Variants in CNTN5 observed in about 807,000 individuals in gnomAD.
The protein encoded by CNTN5 is contactin-5.
CNTN5 carries 77 observed loss-of-function variants against 129.1 expected under a neutral mutation model. That is an observed-to-expected ratio of 0.60 (90% CI 0.50 to 0.72). The LOEUF is 0.72. Ranked by LOEUF, CNTN5 falls within the 30% of genes least tolerant of loss-of-function variation. The pLI is 0.00. For synonymous variants in CNTN5, 509 were observed against 465.6 expected (o/e 1.09, Z -1.20); for missense variants, 1,478 against 1,328.8 (o/e 1.11, Z -1.75).
chr11:99,961,150 A>C (rs533511663), intron 8 of CNTN5, among the ~76,000 whole-genome samples: 1 of 147,256 alleles, frequency 6.8e-6, no homozygotes, highest in African/African-American at 2.5e-5. Context: ...TGCTGCAGTG[A>C]GCCAAGATCA....
At chr11:99,807,767 C>A (rs1946317273) in intron 3 of CNTN5, among the ~76,000 whole-genome samples, 1 of 152,106 alleles carries the variant, frequency 6.6e-6, no homozygotes. Context: ...CTGCCTGTGT[C>A]TCTGTTGGCA....
At chr11:100,245,147 A>G (rs1158886708) in intron 16 of CNTN5, among the ~76,000 whole-genome samples, 1 of 152,026 alleles carries the variant, frequency 6.6e-6, no homozygotes, top group Non-Finnish European at 1.5e-5. Context: ...TTTTTATGCA[A>G]GGGCCCACAG....
At chr11:99,479,215 A>G (rs7946579) in intron 2 of CNTN5, among the ~76,000 whole-genome samples, 40,567 of 151,586 alleles carry the variant, frequency 0.27, 5,739 homozygotes, top group Admixed American at 0.36. Context: ...AATATTGATA[A>G]CACTGGAAAC....
intron 8 of CNTN5, among the ~76,000 whole-genome samples, chr11:99,969,326 G>C (rs902636979): frequency 6.6e-6 from 1 of 152,126 alleles, no homozygotes; most frequent in Non-Finnish European, 1.5e-5. Flanking sequence ...ATTTCTGAAA[G>C]ACATAAACTT....
At chr11:100,140,893 A>AAAT (rs1399913388) in intron 13 of CNTN5, among the ~76,000 whole-genome samples, 1 of 152,106 alleles carries the variant, frequency 6.6e-6, no homozygotes, top group Admixed American at 6.6e-5. Flanking sequence ...AGTGAACAGG[A>AAAT]AATGAGATGT....
intron 3 of CNTN5, among the ~76,000 whole-genome samples, chr11:99,766,764 T>A (rs1352587958): frequency 6.6e-6 from 1 of 152,088 alleles, no homozygotes; most frequent in African/African-American, 2.4e-5. Context: ...TATGCCTATT[T>A]TAACAAGCAT....
chr11:99,325,734 T>C (rs1034054166), intron 2 of CNTN5, among the ~76,000 whole-genome samples: 8 of 152,208 alleles, frequency 5.3e-5, no homozygotes, highest in African/African-American at 1.9e-4. Context: ...TATTTGTTCT[T>C]ACTAATTTTT....
chr11:99,927,951 A>T (rs971616779), intron 7 of CNTN5, among the ~76,000 whole-genome samples: 1 of 152,172 alleles, frequency 6.6e-6, no homozygotes, highest in Non-Finnish European at 1.5e-5. Context: ...CATCAAAAGC[A>T]AGTTAGTTAC....
At chr11:99,957,557 A>G (rs933730021) in intron 8 of CNTN5, among the ~76,000 whole-genome samples, 2 of 152,118 alleles carry the variant, frequency 1.3e-5, no homozygotes, top group Admixed American at 1.3e-4. Context: ...AGTATCTTCA[A>G]ATTTAAACAC....
chr11:99,513,254 A>G (rs1250421024), intron 2 of CNTN5, among the ~76,000 whole-genome samples: 2 of 152,172 alleles, frequency 1.3e-5, no homozygotes, highest in African/African-American at 2.4e-5. Context: ...CTGCAAAAGC[A>G]AAGTTTGAAG....
intron 15 of CNTN5, among the ~76,000 whole-genome samples, chr11:100,209,223 A>G (rs936802720): frequency 5.9e-5 from 9 of 152,176 alleles, no homozygotes; most frequent in African/African-American, 2.2e-4. Flanking sequence ...TTGATACTAA[A>G]CTAAAATTTA....
intron 3 of CNTN5, among the ~76,000 whole-genome samples, chr11:99,719,362 T>A (rs75755774): frequency 0.031 from 4,652 of 151,940 alleles, 83 homozygotes; most frequent in South Asian, 0.044. Flanking sequence ...AGGATCTTAT[T>A]TAAGAAGGCC....
intron 3 of CNTN5, among the ~76,000 whole-genome samples, chr11:99,608,370 A>G (rs1034364452): frequency 6.6e-6 from 1 of 152,150 alleles, no homozygotes; most frequent in Non-Finnish European, 1.5e-5. Context: ...ACTAGGTAGT[A>G]AGGGCAATGC....
At position 99,128,101 on chromosome 11, in the gene CNTN5, T is replaced by A. The variant is rs1009024513; in HGVS notation, c.-210+106831T>A. On this transcript the variant is annotated intron_variant, in intron 1 of 24. Coordinates refer to ENST00000524871, the MANE Select transcript of CNTN5 (RefSeq NM_014361.4). The stretch of plus-strand genomic sequence containing the variant: ...ATATAAACAGGAGAACTGTCCACTG[T>A]CATGGAAAAGGGACTGAAGCCAGAG... 5.3e-5 allele frequency among the ~76,000 whole-genome samples: 8 copies of A among 152,248 alleles called. No individual in the cohort carries two copies. The East Asian group carries it at 1.5e-3, about 29-fold the overall frequency.
At position 99,032,989 on chromosome 11, in the gene CNTN5, T is replaced by C. The variant is rs955311419; in HGVS notation, c.-210+11719T>C. On this transcript the variant is annotated intron_variant, in intron 1 of 24. Coordinates refer to ENST00000524871, the MANE Select transcript of CNTN5 (RefSeq NM_014361.4). The stretch of plus-strand genomic sequence containing the variant: ...CCAGTTTCAGCTTTCTGCATATGGC[T>C]AGCCAGTTTTCCCAGCACCATTTAT... Among the ~76,000 whole-genome samples, 241 of 135,824 alleles carry C rather than the reference T, an allele frequency of 1.8e-3. 17 individuals carry two copies. The highest frequency in any genetic ancestry group is 4.2e-3 in the Admixed American group (54 of 12,894). 89.1% of individuals were successfully genotyped at this position (135,824 alleles called of 152,430 possible).
chr11:99,047,681 A>G (rs966318139), intron 1 of CNTN5, among the ~76,000 whole-genome samples: 13 of 152,164 alleles, frequency 8.5e-5, no homozygotes, highest in African/African-American at 2.9e-4. Context: ...AGTATATGAG[A>G]TTTTACTCTA....
At chr11:99,924,404 T>G (rs1326473585) in intron 7 of CNTN5, among the ~76,000 whole-genome samples, 1 of 152,190 alleles carries the variant, frequency 6.6e-6, no homozygotes, top group African/African-American at 2.4e-5. Flanking sequence ...TAATCCATCT[T>G]GAGTTAATTT....
intron 4 of CNTN5, among the ~76,000 whole-genome samples, chr11:99,821,795 T>C (rs1417122301): frequency 6.6e-6 from 1 of 152,124 alleles, no homozygotes; most frequent in Non-Finnish European, 1.5e-5. Flanking sequence ...TCCCAGGTGA[T>C]GGTGATGGTG....
chr11:100,054,194 A>G (rs1219340064), intron 9 of CNTN5, among the ~76,000 whole-genome samples: 1 of 151,676 alleles, frequency 6.6e-6, no homozygotes, highest in African/African-American at 2.4e-5. Context: ...TAAAGCTACA[A>G]TATAGTGGCC....
Sources: allele counts gnomAD v4.1 joint callset (sites outside exome capture counted in the v4.1 genomes callset), GRCh38; gene constraint gnomAD v4.1.1; transcripts MANE v1.5; gene names NCBI Gene and HGNC (gene_info 2026-07-23, HGNC 2026-07-21).